Variants in PTPN7 observed in about 807,000 individuals in gnomAD.
PTPN7 encodes tyrosine-protein phosphatase non-receptor type 7.
Under a neutral mutation model 50.3 loss-of-function variants are expected in PTPN7, and 33 were observed. The ratio of observed to expected loss-of-function variants is 0.66; its 90% CI spans 0.50 to 0.88. The LOEUF (loss-of-function observed/expected upper bound fraction) is 0.88, where lower values mean the gene tolerates loss of function less well. Ranked by LOEUF, PTPN7 falls within the 40% of genes least tolerant of loss-of-function variation. The probability of loss-of-function intolerance (pLI) is 0.00; values close to 1 mark genes in which losing one functional copy is unlikely to be tolerated. For missense variants in PTPN7, 412 were observed against 475.4 expected, an observed-to-expected ratio of 0.87 and a Z score of 1.24; for synonymous variants, 185 against 186.6, an observed-to-expected ratio of 0.99 and a Z score of 0.07.
rs987276521 is a variant in PTPN7 at position 202,160,525 on chromosome 1, T to C, written c.-53+20A>G. Reference sequence around the variant, plus strand: ...CCCCCCGGGGCCACAGGACTCCCAGTCCCCCCTTCAGATACTTACTGAAGC... The same window carrying C: ...CCCCCCGGGGCCACAGGACTCCCAGCCCCCCCTTCAGATACTTACTGAAGC... On this transcript the variant is annotated intron_variant, in intron 1 of 9. Coordinates refer to ENST00000691036, the MANE Select transcript of PTPN7 (RefSeq NM_002832.4). The surrounding 1 kb of genome is among the most constrained non-coding windows in gnomAD (Gnocchi z 4.8). 3.3e-6 allele frequency: 5 copies of C among 1,535,864 alleles called. No homozygotes were observed. The highest frequency in any genetic ancestry group is 4.4e-6 in the Non-Finnish European group (5 of 1,135,822).
intron 5 of PTPN7, 123 bp from the exon 6 acceptor site, chr1:202,154,446 A>C (rs1016222943): frequency 8.8e-7 from 1 of 1,137,676 alleles, no homozygotes. Context: ...AGACGTACAC[A>C]TGCACGAACA....
chr1:202,150,103 G>C, intron 9 of PTPN7: 1 of 483,470 alleles, frequency 2.1e-6, no homozygotes, highest in East Asian at 3.7e-5. Flanking sequence ...AAAGTGCTGG[G>C]ATTACAGGTG....
At chr1:202,150,224 G>A (rs529955471) in intron 9 of PTPN7, 87 bp downstream of exon 9, 68 of 1,001,320 alleles carry the variant, frequency 6.8e-5, no homozygotes, top group Non-Finnish European at 9.6e-5. Context: ...AGTGCTTGAT[G>A]GTGATGGGCC....
chr1:202,159,201 TG>T lies in PTPN7; in HGVS notation c.122+79del. ...GCCCTCTGGACCCTGCTGTCAGAGC[TG>T]GAGGGGCAGATGGAAGGAAGGGAGG... On this transcript the variant is annotated intron_variant, in intron 2 of 9. Coordinates refer to ENST00000691036, the MANE Select transcript of PTPN7 (RefSeq NM_002832.4). The surrounding 1 kb of genome is among the most constrained non-coding windows in gnomAD (Gnocchi z 4.6). The T allele has an allele frequency of 7.0e-7, 1 of 1,425,354 alleles. No homozygotes were observed. The highest frequency in any genetic ancestry group is 9.8e-7 in the Non-Finnish European group (1 of 1,020,862). 88.3% of individuals were successfully genotyped at this position (1,425,354 alleles called of 1,614,324 possible).
chr1:202,160,909 G>A, upstream of PTPN7: 1 of 1,453,036 alleles, frequency 6.9e-7, no homozygotes, highest in Non-Finnish European at 9.1e-7. The surrounding 1 kb of genome is among the most constrained non-coding windows in gnomAD (Gnocchi z 4.8). Flanking sequence ...CAGCTCGCCT[G>A]ACCCCCAGCT....
rs1657233071 is a variant in PTPN7, at chr1:202,160,342, C to T, written c.-53+203G>A. Reference sequence around the variant, plus strand: ...TGGTAGCAGAAAAGGTCCCTTCAGCCTCTGCTCTCCTTGTAGCTCCCTGTG... The same window carrying T: ...TGGTAGCAGAAAAGGTCCCTTCAGCTTCTGCTCTCCTTGTAGCTCCCTGTG... On this transcript the variant is annotated intron_variant, in intron 1 of 9. Coordinates refer to ENST00000691036, the MANE Select transcript of PTPN7 (RefSeq NM_002832.4). The surrounding 1 kb of genome is among the most constrained non-coding windows in gnomAD (Gnocchi z 4.8). 6.6e-6 allele frequency among the ~76,000 whole-genome samples: 1 copy of T among 152,070 alleles called. No individual in the cohort carries two copies. Among genetic ancestry groups the T allele is most frequent in the African/African-American group, 2.4e-5 (1 of 41,402 alleles).
chr1:202,160,966 C>T (rs576203125), upstream of PTPN7: 1 of 1,427,590 alleles, frequency 7.0e-7, no homozygotes, highest in African/African-American at 1.4e-5. This position sits in a 1 kb window ranked among gnomAD's most constrained non-coding sequence, Gnocchi z 4.8. Flanking sequence ...TCAACCTGAC[C>T]TTGGCCGGAG....
intron 8 of PTPN7, 57 bp downstream of exon 8, chr1:202,152,485 A>AG: frequency 6.4e-7 from 1 of 1,571,314 alleles, no homozygotes; most frequent in Non-Finnish European, 8.6e-7. Context: ...GGAGAGACCC[A>AG]GGGGGCAGGG....
Position 202,160,571 on chromosome 1 carries a change from C to T in PTPN7, c.-79G>A. On this transcript the variant is annotated 5_prime_UTR_variant, in exon 1 of 10. Coordinates refer to ENST00000691036, the MANE Select transcript of PTPN7 (RefSeq NM_002832.4). The surrounding 1 kb of genome is among the most constrained non-coding windows in gnomAD (Gnocchi z 4.8). ...GAAGCAGCTGTGGCCCCCAGGCTGC[C>T]TCTTGCCAGCTGTCTGTCTGTCTGT... The T allele has an allele frequency of 6.5e-7, 1 of 1,549,754 alleles. No homozygotes were observed. The highest frequency in any genetic ancestry group is 8.7e-7 in the Non-Finnish European group (1 of 1,146,314).
In PTPN7 at chr1:202,148,675, C is replaced by T. The variant is rs765164622; in HGVS notation, c.1014G>A (p.Glu338=). The T allele has an allele frequency of 1.2e-5, 19 of 1,613,740 alleles. No individual in the cohort carries two copies. In the South Asian group the frequency reaches 2.0e-4, roughly 17 times the overall value. The part of the protein sequence containing the change: ...LDRGGMIQTA[E]QYQFLHHTLA... ...AAGTGTGGTGCAGGAACTGGTACTG[C>T]TCTGCCGTCTGGATCATCCCCCCTC... is the stretch of plus-strand genomic sequence containing the variant. The change falls in exon 10 of 10, where the codon GAG becomes GAA. Residue 338 remains glutamate (E), a synonymous_variant. Transcript: ENST00000691036.
rs924804415 is a variant in PTPN7 at position 202,160,049 on chromosome 1, C to T, written c.-53+496G>A. ...GAGGTGTTTCCTTCCTCCTCCTGCC[C>T]ATCCCCCCGTCTCCCGCCTCTGTAA... On this transcript the variant is annotated intron_variant, in intron 1 of 9. Transcript: ENST00000691036. This position sits in a 1 kb window ranked among gnomAD's most constrained non-coding sequence, Gnocchi z 4.8. 6 of 908,684 alleles carry T rather than the reference C, an allele frequency of 6.6e-6. No individual in the cohort carries two copies. The highest frequency in any genetic ancestry group is 7.9e-6 in the Non-Finnish European group (6 of 756,448). The allele number at this position is 908,684 out of a possible 1,614,324, so 56.3% of individuals were successfully genotyped here.
In PTPN7 at chr1:202,160,600, T is replaced by C. The variant is rs1657272553; in HGVS notation, c.-108A>G. 2.6e-6 allele frequency: 4 copies of C among 1,550,454 alleles called. No homozygotes were observed. The highest frequency in any genetic ancestry group is 1.4e-5 in the African/African-American group (1 of 73,118). On this transcript the variant is annotated 5_prime_UTR_variant, in exon 1 of 10. Coordinates refer to ENST00000691036, the MANE Select transcript of PTPN7 (RefSeq NM_002832.4). The surrounding 1 kb of genome is among the most constrained non-coding windows in gnomAD (Gnocchi z 4.8). ...TGCCAGCTGTCTGTCTGTCTGTCGG[T>C]CTGTCTTTGAGGGCTGAGAAGGCTC...
In PTPN7 at chr1:202,152,574, G is replaced by A. The variant is rs766956221; in HGVS notation, c.843C>T (p.Ala281=). ...VAEVEESPET[A]AHPGPIVVHC... ...GGACTACGATAGGCCCGGGGTGGGC[G>A]GCTGTCTCCGGGCTCTCCTCCACCT... The change falls in exon 8 of 10, where the codon GCC becomes GCT. Residue 281 remains alanine, a synonymous_variant. Transcript: ENST00000691036. The A allele has an allele frequency of 7.4e-6, 12 of 1,613,386 alleles. No individual in the cohort carries two copies. Among genetic ancestry groups the A allele is most frequent in the Middle Eastern group, 1.6e-4 (1 of 6,084 alleles).
In PTPN7 at chr1:202,159,049, T is replaced by C; in HGVS notation, c.122+232A>G. On this transcript the variant is annotated intron_variant, in intron 2 of 9. Coordinates refer to ENST00000691036, the MANE Select transcript of PTPN7 (RefSeq NM_002832.4). The surrounding 1 kb of genome is among the most constrained non-coding windows in gnomAD (Gnocchi z 4.6). ...GACATGCATCCAGCACCAAGAAGGC[T>C]GTGGGCCTTGCCTGGAATTTAGGGA... 1 of 560,868 alleles carries C rather than the reference T, an allele frequency of 1.8e-6. No individual in the cohort carries two copies. Among genetic ancestry groups the C allele is most frequent in the Non-Finnish European group, 3.2e-6 (1 of 313,984 alleles). 34.7% of individuals were successfully genotyped at this position (560,868 alleles called of 1,614,324 possible).
rs1655562590 is a variant in PTPN7 at position 202,148,501 on chromosome 1, C to G, written c.*105G>C. The stretch of plus-strand genomic sequence containing the variant: ...CCACTAAGGAGGCACTCCTTCCCCA[C>G]ACCAACCCAAGGGGTACCCCCAGAT... On this transcript the variant is annotated 3_prime_UTR_variant, in exon 10 of 10. Coordinates refer to ENST00000691036, the MANE Select transcript of PTPN7 (RefSeq NM_002832.4). 3 of 1,017,614 alleles carry G rather than the reference C, an allele frequency of 2.9e-6. No homozygotes were observed. Among genetic ancestry groups the G allele is most frequent in the Non-Finnish European group, 4.3e-6 (3 of 692,544 alleles). The allele number at this position is 1,017,614 out of a possible 1,614,324, so 63.0% of individuals were successfully genotyped here.
rs200043199 is a variant in PTPN7, at chr1:202,153,714, G to C, written c.717+11C>G. 9.9e-6 allele frequency: 16 copies of C among 1,608,978 alleles called. No homozygotes were observed. Among genetic ancestry groups the C allele is most frequent in the East Asian group, 6.7e-5 (3 of 44,832 alleles). On this transcript the variant is annotated intron_variant, in intron 7 of 9. Transcript: ENST00000691036. The stretch of plus-strand genomic sequence containing the variant: ...AACTTCCCACTGGGCCTGGCTCCGG[G>C]GGGGTGGTACCTGGATGGTGAGCTG...
chr1:202,160,972 C>T (rs1657319965), upstream of PTPN7: 7 of 1,425,406 alleles, frequency 4.9e-6, no homozygotes, highest in South Asian at 1.6e-5. This position sits in a 1 kb window ranked among gnomAD's most constrained non-coding sequence, Gnocchi z 4.8. Flanking sequence ...TGACCTTGGC[C>T]GGAGGCTTAT....
Position 202,159,648 on chromosome 1 carries a change from A to G in PTPN7, c.-52-194T>C. 2 of 1,451,234 alleles carry G rather than the reference A, an allele frequency of 1.4e-6. No individual in the cohort carries two copies. Among genetic ancestry groups the G allele is most frequent in the Non-Finnish European group, 1.8e-6 (2 of 1,105,200 alleles). The allele number at this position is 1,451,234 out of a possible 1,614,324, so 89.9% of individuals were successfully genotyped here. A position where few individuals can be genotyped will look rare whatever the true frequency, so the allele number is the denominator to read the frequency against. On this transcript the variant is annotated intron_variant, in intron 1 of 9. Transcript: ENST00000691036. This position sits in a 1 kb window ranked among gnomAD's most constrained non-coding sequence, Gnocchi z 4.6. The stretch of plus-strand genomic sequence containing the variant: ...AGGGCAGAAGGCAGTCTCGGGGTAG[A>G]GTAACGGCAAGATAAAGGGTAGAGA...
intron 5 of PTPN7, among the ~76,000 whole-genome samples, chr1:202,155,137 G>C (rs1656510242): frequency 6.6e-6 from 1 of 152,322 alleles, no homozygotes; most frequent in Non-Finnish European, 1.5e-5. Flanking sequence ...GGGGCTATCT[G>C]AGGGGCAGTT....
Sources: gnomAD v4.1 joint callset for allele counts (sites outside exome capture counted in the v4.1 genomes callset) on GRCh38, gnomAD v4.1.1 for gene constraint, Gnocchi (gnomAD v3.1) non-coding constraint, MANE v1.5 for transcripts, NCBI Gene and HGNC (gene_info 2026-07-23, HGNC 2026-07-21) for gene names.